The following SCHIP1 variants were observed in gnomAD, a reference collection of about 807,000 sequenced individuals.
The protein encoded by SCHIP1 is schwannomin-interacting protein 1.
SCHIP1 carries 8 observed loss-of-function variants against 29.7 expected under a neutral mutation model. The ratio of observed to expected loss-of-function variants is 0.27; its 90% CI spans 0.16 to 0.49. SCHIP1 has a LOEUF of 0.49. SCHIP1 is among the 20% of genes least tolerant of loss of function. The pLI is 0.99. For synonymous variants in SCHIP1, 76 were observed against 94.9 expected (o/e 0.80, Z 1.16); for missense variants, 193 against 294.6 (o/e 0.66, Z 2.52).
the SCHIP1 span, among the ~76,000 whole-genome samples, chr3:159,424,380 C>T: frequency 6.6e-6 from 1 of 152,094 alleles, no homozygotes; most frequent in Admixed American, 6.5e-5. Context: ...GGCTCGAGAA[C>T]TATGTGAAGA....
At chr3:159,527,601 G>GT in the SCHIP1 span, among the ~76,000 whole-genome samples, 289 of 152,262 alleles carry the variant, frequency 1.9e-3, 1 homozygote, top group African/African-American at 6.7e-3. Context: ...TAGAAGCTTT[G>GT]TTTTTTGACT....
the SCHIP1 span, among the ~76,000 whole-genome samples, chr3:159,295,591 T>G: frequency 6.6e-6 from 1 of 152,198 alleles, no homozygotes; most frequent in African/African-American, 2.4e-5. Flanking sequence ...CCTGCTTACA[T>G]ATCCACCTAT....
chr3:159,319,273 A>G, the SCHIP1 span, among the ~76,000 whole-genome samples: 1 of 152,158 alleles, frequency 6.6e-6, no homozygotes, highest in Non-Finnish European at 1.5e-5. Flanking sequence ...GATATGAGAT[A>G]TGGACACTTC....
the SCHIP1 span, among the ~76,000 whole-genome samples, chr3:159,503,884 G>C: frequency 1.3e-5 from 2 of 152,140 alleles, no homozygotes; most frequent in East Asian, 1.9e-4. Context: ...GGGAATAACA[G>C]GCTCCTACAT....
the SCHIP1 span, among the ~76,000 whole-genome samples, chr3:159,424,432 G>A: frequency 2.0e-5 from 3 of 152,198 alleles, no homozygotes; most frequent in East Asian, 5.8e-4. Context: ...CTGGATATCA[G>A]TGTATCAGTG....
the SCHIP1 span, among the ~76,000 whole-genome samples, chr3:159,379,741 T>A: frequency 6.6e-6 from 1 of 151,954 alleles, no homozygotes; most frequent in South Asian, 2.1e-4. Context: ...CTCAACCACA[T>A]GACAAAAAGA....
chr3:159,504,186 T>G, the SCHIP1 span, among the ~76,000 whole-genome samples: 1 of 152,142 alleles, frequency 6.6e-6, no homozygotes, highest in African/African-American at 2.4e-5. Flanking sequence ...AGTGAAAAGA[T>G]GAAATTATCA....
At chr3:159,495,646 T>C in the SCHIP1 span, among the ~76,000 whole-genome samples, 2 of 152,144 alleles carry the variant, frequency 1.3e-5, no homozygotes, top group Admixed American at 6.6e-5. Context: ...TGCTCATGGG[T>C]AGGAAGAATC....
the SCHIP1 span, among the ~76,000 whole-genome samples, chr3:159,539,305 T>A: frequency 2.2e-5 from 3 of 138,814 alleles, 1 homozygote; most frequent in African/African-American, 7.5e-5. Context: ...GGGATTTAGA[T>A]TCACACAAAG....
the SCHIP1 span, among the ~76,000 whole-genome samples, chr3:159,360,423 C>G: frequency 6.6e-6 from 1 of 152,146 alleles, no homozygotes; most frequent in Non-Finnish European, 1.5e-5. Context: ...TTGTGTCTAT[C>G]CTTTGTTGTT....
chr3:159,800,062 C>T, the SCHIP1 span, among the ~76,000 whole-genome samples: 1 of 152,116 alleles, frequency 6.6e-6, no homozygotes, highest in South Asian at 2.1e-4. Context: ...ACTTATTCCC[C>T]ACATATTAAT....
chr3:159,652,773 G>C, the SCHIP1 span, among the ~76,000 whole-genome samples: 6 of 152,238 alleles, frequency 3.9e-5, no homozygotes, highest in African/African-American at 1.4e-4. Context: ...GAAAAACAAG[G>C]ATGAGGTGAT....
chr3:159,565,051 G>A, the SCHIP1 span, among the ~76,000 whole-genome samples: 6 of 151,992 alleles, frequency 3.9e-5, no homozygotes, highest in Non-Finnish European at 7.3e-5. Flanking sequence ...TTACAAACAT[G>A]CAATGTTGTT....
chr3:159,882,614 A>G (rs1267509851), intron 2 of SCHIP1, among the ~76,000 whole-genome samples: 1 of 152,230 alleles, frequency 6.6e-6, no homozygotes, highest in African/African-American at 2.4e-5. Context: ...TGTTTCTCTC[A>G]GGGAATAAAC....
the SCHIP1 span, among the ~76,000 whole-genome samples, chr3:159,494,499 T>A: frequency 2.0e-5 from 3 of 151,888 alleles, no homozygotes; most frequent in Middle Eastern, 3.2e-3. Context: ...AACTAGAAAA[T>A]CTAGAAGAAA....
intron 2 of SCHIP1, among the ~76,000 whole-genome samples, chr3:159,873,558 A>G (rs1258900187): frequency 1.1e-4 from 16 of 152,208 alleles, no homozygotes; most frequent in Non-Finnish European, 2.9e-5. Context: ...GCTTACAATA[A>G]TCCCATAAAG....
At chr3:159,396,908 CAG>C in the SCHIP1 span, among the ~76,000 whole-genome samples, 13 of 149,344 alleles carry the variant, frequency 8.7e-5, no homozygotes, top group African/African-American at 2.4e-4. Flanking sequence ...TAATATCCTG[CAG>C]AGTGTTTTTC....
chr3:159,764,414 G>C, the SCHIP1 span: 5 of 1,549,750 alleles, frequency 3.2e-6, no homozygotes, highest in Non-Finnish European at 4.4e-6. This position sits in a 1 kb window ranked among gnomAD's most constrained non-coding sequence, Gnocchi z 6.1. Flanking sequence ...GCTTGGCCCA[G>C]CAGCTCACTC....
chr3:159,658,943 TTA>T, the SCHIP1 span, among the ~76,000 whole-genome samples: 2 of 152,202 alleles, frequency 1.3e-5, no homozygotes, highest in Non-Finnish European at 2.9e-5. Flanking sequence ...CAACAAACGT[TTA>T]CTCTGTTTTC....
Sources: allele counts gnomAD v4.1 joint callset (sites outside exome capture counted in the v4.1 genomes callset), GRCh38; gene constraint gnomAD v4.1.1; non-coding constraint Gnocchi (gnomAD v3.1); transcripts MANE v1.5; gene names NCBI Gene and HGNC (gene_info 2026-07-23, HGNC 2026-07-21).